Variants in CDH12 observed in about 807,000 individuals in gnomAD.
The protein encoded by CDH12 is cadherin-12.
CDH12 carries 41 observed loss-of-function variants against 74.1 expected under a neutral mutation model. The ratio of observed to expected loss-of-function variants is 0.55; its 90% CI spans 0.43 to 0.72. The LOEUF (loss-of-function observed/expected upper bound fraction) is 0.72, where lower values mean the gene tolerates loss of function less well. Ranked by LOEUF, CDH12 falls within the 30% of genes least tolerant of loss-of-function variation. The pLI is 0.00. For synonymous variants in CDH12, 399 were observed against 355.0 expected (o/e 1.12, Z -1.39); for missense variants, 945 against 977.2 (o/e 0.97, Z 0.44).
At chr5:22,450,945 C>T (rs1274673554) in intron 2 of CDH12, among the ~76,000 whole-genome samples, 1 of 148,446 alleles carries the variant, frequency 6.7e-6, no homozygotes, top group African/African-American at 2.5e-5. Flanking sequence ...GACTGGAATG[C>T]TCTTTGCCTA....
At chr5:22,373,186 C>T (rs1741371118) in intron 3 of CDH12, among the ~76,000 whole-genome samples, 1 of 152,186 alleles carries the variant, frequency 6.6e-6, no homozygotes, top group Non-Finnish European at 1.5e-5. Flanking sequence ...CCAGCCCAGT[C>T]CACCTCTGCT....
chr5:22,157,010 AC>A (rs1385560014), intron 4 of CDH12, among the ~76,000 whole-genome samples: 1 of 152,142 alleles, frequency 6.6e-6, no homozygotes, highest in African/African-American at 2.4e-5. Context: ...TCTAGTATTA[AC>A]AGGTGAAAAA....
At chr5:22,376,685 T>A (rs1034328684) in intron 3 of CDH12, among the ~76,000 whole-genome samples, 1 of 54,180 alleles carries the variant, frequency 1.8e-5, no homozygotes, top group Non-Finnish European at 3.2e-5. Context: ...GTTGACTAAT[T>A]TTTTTTTTTT....
At chr5:22,121,745 C>T (rs543733578) in intron 4 of CDH12, among the ~76,000 whole-genome samples, 7 of 152,016 alleles carry the variant, frequency 4.6e-5, no homozygotes, top group Non-Finnish European at 1.0e-4. Flanking sequence ...TAAAATTCCT[C>T]ATGTCTTTAG....
At chr5:22,071,397 C>T (rs567414546) in intron 5 of CDH12, among the ~76,000 whole-genome samples, 1 of 152,142 alleles carries the variant, frequency 6.6e-6, no homozygotes, top group South Asian at 2.1e-4. Context: ...ACCATTAAAA[C>T]TATTTTGACA....
At chr5:22,796,567 T>A (rs1472189530) in intron 1 of CDH12, among the ~76,000 whole-genome samples, 3 of 125,006 alleles carry the variant, frequency 2.4e-5, no homozygotes, top group South Asian at 5.6e-4. Context: ...TCGCCCAGGC[T>A]GGAGTGCAGT....
In CDH12 at chr5:21,961,400, A is replaced by G. The variant is rs564556742; in HGVS notation, c.526+13691T>C. On this transcript the variant is annotated intron_variant, in intron 6 of 14. Transcript: ENST00000382254. ...ATGACTCTGTCTCAAAAAAAAATGC[A>G]TTCATTGTACAGAGCATATAGTTTT... is the stretch of plus-strand genomic sequence containing the variant. 2.0e-5 allele frequency among the ~76,000 whole-genome samples: 3 copies of G among 152,282 alleles called. No individual in the cohort carries two copies. The East Asian group carries it at 5.8e-4, about 29-fold the overall frequency.
intron 2 of CDH12, among the ~76,000 whole-genome samples, chr5:22,447,473 T>C (rs1479766964): frequency 1.3e-5 from 2 of 152,116 alleles, no homozygotes; most frequent in African/African-American, 4.8e-5. Flanking sequence ...CTTGAATTGA[T>C]ATAAAAAATT....
At chr5:22,597,554 T>C (rs1736661581) in intron 1 of CDH12, among the ~76,000 whole-genome samples, 2 of 152,184 alleles carry the variant, frequency 1.3e-5, no homozygotes, top group Admixed American at 6.5e-5. Context: ...ATACCTCAAC[T>C]CAAAAGATTG....
At chr5:22,603,524 C>T (rs1250328462) in intron 1 of CDH12, among the ~76,000 whole-genome samples, 1 of 152,042 alleles carries the variant, frequency 6.6e-6, no homozygotes, top group African/African-American at 2.4e-5. Context: ...GGGATTACAG[C>T]CCTAAATATC....
Position 21,892,202 on chromosome 5 carries a change from A to G in CDH12, c.527-37412T>C, listed in dbSNP as rs534083219. ...TTTAAATGCTTTCTGTGATAATGCTAGTAATTCCCTTTGGTTTTGTTTATT... is the reference window on the plus strand; with the variant it reads ...TTTAAATGCTTTCTGTGATAATGCTGGTAATTCCCTTTGGTTTTGTTTATT... On this transcript the variant is annotated intron_variant, in intron 6 of 14. Transcript: ENST00000382254. Among the ~76,000 whole-genome samples, 17 of 152,318 alleles carry G rather than the reference A, an allele frequency of 1.1e-4. No homozygotes were observed. In the East Asian group the frequency reaches 2.3e-3, roughly 21 times the overall value.
chr5:21,786,299 G>T (rs992772279), intron 10 of CDH12, among the ~76,000 whole-genome samples: 1 of 152,072 alleles, frequency 6.6e-6, no homozygotes, highest in Admixed American at 6.6e-5. Flanking sequence ...GATTACAGGT[G>T]CATGCCACTA....
chr5:22,412,474 C>A (rs1743205379), intron 2 of CDH12, among the ~76,000 whole-genome samples: 1 of 151,996 alleles, frequency 6.6e-6, no homozygotes, highest in East Asian at 1.9e-4. Context: ...TAAAAACCCA[C>A]CTCCATAAGC....
intron 1 of CDH12, among the ~76,000 whole-genome samples, chr5:22,692,125 GTTC>G (rs1742115911): frequency 6.6e-6 from 1 of 152,090 alleles, no homozygotes; most frequent in Non-Finnish European, 1.5e-5. Flanking sequence ...TAATGAGTCA[GTTC>G]TTGCTCTATT....
At chr5:22,656,851 A>T (rs116146311) in intron 1 of CDH12, among the ~76,000 whole-genome samples, 327 of 152,224 alleles carry the variant, frequency 2.1e-3, no homozygotes, top group African/African-American at 7.6e-3. Context: ...AGAGAGAGAA[A>T]GAGAGAGACA....
chr5:22,191,661 T>TTCACC (rs1554019279), intron 4 of CDH12, among the ~76,000 whole-genome samples: 2 of 142,250 alleles, frequency 1.4e-5, no homozygotes, highest in Non-Finnish European at 3.1e-5. Context: ...GCCTCCCGGG[T>TTCACC]TCACGCCATT....
At chr5:22,767,393 T>G (rs183031231) in intron 1 of CDH12, among the ~76,000 whole-genome samples, 22 of 152,186 alleles carry the variant, frequency 1.4e-4, no homozygotes, top group Admixed American at 1.2e-3. Flanking sequence ...AACATTATTT[T>G]ATGATATGAT....
At chr5:22,623,880 A>T (rs1738122675) in intron 1 of CDH12, among the ~76,000 whole-genome samples, 1 of 152,226 alleles carries the variant, frequency 6.6e-6, no homozygotes, top group Non-Finnish European at 1.5e-5. Flanking sequence ...CAAAAGAACA[A>T]AGTTGAAGGT....
intron 1 of CDH12, among the ~76,000 whole-genome samples, chr5:22,699,494 A>G (rs1742596042): frequency 6.6e-6 from 1 of 152,146 alleles, no homozygotes; most frequent in Non-Finnish European, 1.5e-5. Context: ...AAATAAAAGC[A>G]TAGTCAGACA....
Sources: allele counts gnomAD v4.1 joint callset (sites outside exome capture counted in the v4.1 genomes callset), GRCh38; gene constraint gnomAD v4.1.1; transcripts MANE v1.5; gene names NCBI Gene and HGNC (gene_info 2026-07-23, HGNC 2026-07-21).